Variants in SLC24A2 observed in about 807,000 individuals in gnomAD.
SLC24A2 encodes sodium/potassium/calcium exchanger 2.
In SLC24A2, 36 loss-of-function variants were observed where a neutral mutation model predicts 62.0. The observed-to-expected ratio is 0.58, with a 90% CI of 0.44 to 0.77. The LOEUF is 0.77. Among genes scored for constraint, SLC24A2 ranks in the 30% least tolerant of loss-of-function variants. SLC24A2 has a pLI of 0.00. For missense variants in SLC24A2, 846 were observed against 817.9 expected, an observed-to-expected ratio of 1.03 and a Z score of -0.42; for synonymous variants, 358 against 294.0, an observed-to-expected ratio of 1.22 and a Z score of -2.23.
chr9:19,734,889 C>T (rs1459990341), intron 2 of SLC24A2, among the ~76,000 whole-genome samples: 2 of 151,896 alleles, frequency 1.3e-5, no homozygotes, highest in Non-Finnish European at 2.9e-5. Context: ...AAATGTTAGA[C>T]CTAAAACCAT....
intron 2 of SLC24A2, among the ~76,000 whole-genome samples, chr9:19,747,963 G>A (rs1289877861): frequency 2.0e-5 from 3 of 152,094 alleles, no homozygotes; most frequent in Admixed American, 1.3e-4. Context: ...ATACTATCAT[G>A]GCAAGATGCT....
the SLC24A2 span, among the ~76,000 whole-genome samples, chr9:19,820,653 G>C: frequency 3.3e-5 from 5 of 151,788 alleles, no homozygotes; most frequent in Non-Finnish European, 5.9e-5. Context: ...CAAGGTAATG[G>C]ATTAATGGTA....
chr9:20,296,157 C>T, the SLC24A2 span, among the ~76,000 whole-genome samples: 1 of 152,176 alleles, frequency 6.6e-6, no homozygotes, highest in African/African-American at 2.4e-5. Context: ...CAAGCAATAT[C>T]CAGACTCTCA....
chr9:20,052,233 G>A, the SLC24A2 span, among the ~76,000 whole-genome samples: 4 of 152,088 alleles, frequency 2.6e-5, no homozygotes, highest in African/African-American at 9.7e-5. Context: ...AAACAGCATT[G>A]TCATGTTTGC....
At chr9:19,686,684 G>A (rs34964535) in intron 2 of SLC24A2, among the ~76,000 whole-genome samples, 9,348 of 152,132 alleles carry the variant, frequency 0.061, 371 homozygotes, top group Non-Finnish European at 0.091. Flanking sequence ...AGAAGGACAT[G>A]TTTGCTTCCT....
chr9:19,679,780 A>T (rs1432787369), intron 2 of SLC24A2, among the ~76,000 whole-genome samples: 1 of 151,622 alleles, frequency 6.6e-6, no homozygotes, highest in African/African-American at 2.4e-5. Flanking sequence ...CAAAACTGGG[A>T]TCTCTCAGCT....
chr9:19,738,671 T>A (rs1821583156), intron 2 of SLC24A2, among the ~76,000 whole-genome samples: 1 of 152,234 alleles, frequency 6.6e-6, no homozygotes, highest in African/African-American at 2.4e-5. Context: ...TATACTACAA[T>A]TTATTTATTC....
rs10641024 is a variant in SLC24A2, at chr9:19,561,436, C to CTTT, written c.1348-11171_1348-11169dup. Among the ~76,000 whole-genome samples, 387 of 138,182 alleles carry CTTT rather than the reference C, an allele frequency of 2.8e-3. 4 individuals carry two copies. The highest frequency in any genetic ancestry group is 9.1e-3 in the African/African-American group (335 of 36,918). The allele number at this position is 138,182 out of a possible 152,430, so 90.7% of individuals were successfully genotyped here. ...AGCTAACAGTTAAGTGGAAAACAGA[C>CTTT]TTTTTTTTTTTTTTTTGAGATGGAG... is the stretch of plus-strand genomic sequence containing the variant. On this transcript the variant is annotated intron_variant, in intron 7 of 10. Coordinates refer to ENST00000341998, the MANE Select transcript of SLC24A2 (RefSeq NM_020344.4).
At chr9:20,155,343 G>A in the SLC24A2 span, among the ~76,000 whole-genome samples, 1 of 151,794 alleles carries the variant, frequency 6.6e-6, no homozygotes, top group Admixed American at 6.6e-5. Context: ...TATACACATA[G>A]AGAAAGCAAG....
At chr9:19,755,838 T>C (rs981417553) in intron 2 of SLC24A2, among the ~76,000 whole-genome samples, 2 of 152,220 alleles carry the variant, frequency 1.3e-5, no homozygotes, top group Admixed American at 1.3e-4. Flanking sequence ...ATTATAATTT[T>C]ACTCACCTAC....
intron 8 of SLC24A2, among the ~76,000 whole-genome samples, chr9:19,541,773 G>GC (rs1391365068): frequency 6.7e-6 from 1 of 148,894 alleles, no homozygotes; most frequent in East Asian, 2.0e-4. Context: ...ACCTAAGCAA[G>GC]CCTGGGCAAT....
At chr9:19,787,852 A>C (rs1412299255) in intron 1 of SLC24A2, among the ~76,000 whole-genome samples, 1 of 152,202 alleles carries the variant, frequency 6.6e-6, no homozygotes, top group Non-Finnish European at 1.5e-5. Context: ...TTCATAAACA[A>C]TACGCAAGTT....
intron 7 of SLC24A2, among the ~76,000 whole-genome samples, chr9:19,557,855 G>C (rs1835174227): frequency 6.8e-6 from 1 of 146,266 alleles, no homozygotes; most frequent in Non-Finnish European, 1.5e-5. Flanking sequence ...CTGTCACCTA[G>C]ACTAGAGTGC....
At chr9:20,281,926 T>C in the SLC24A2 span, among the ~76,000 whole-genome samples, 3 of 152,216 alleles carry the variant, frequency 2.0e-5, no homozygotes, top group South Asian at 6.2e-4. Flanking sequence ...TTTGTAGTCT[T>C]TGTTGAACAC....
chr9:19,792,666 C>G (rs1823333733), upstream of SLC24A2, among the ~76,000 whole-genome samples: 1 of 151,456 alleles, frequency 6.6e-6, no homozygotes, highest in Non-Finnish European at 1.5e-5. Flanking sequence ...CGAGACGGCG[C>G]CATTGTACTC....
chr9:20,160,702 G>A, the SLC24A2 span, among the ~76,000 whole-genome samples: 32 of 151,158 alleles, frequency 2.1e-4, no homozygotes, highest in Admixed American at 5.3e-4. Context: ...CAGAATTTCC[G>A]AAAAATAATG....
chr9:19,845,936 A>C, the SLC24A2 span, among the ~76,000 whole-genome samples: 1,107 of 150,716 alleles, frequency 7.3e-3, 9 homozygotes, highest in African/African-American at 0.025. Flanking sequence ...TTTTTATTCC[A>C]CTGTGGCCTG....
chr9:19,588,173 T>C (rs544227912), intron 5 of SLC24A2, among the ~76,000 whole-genome samples: 1 of 71,460 alleles, frequency 1.4e-5, no homozygotes, highest in Admixed American at 2.1e-4. Context: ...TTTTTTTCTT[T>C]TTTTCTTTTT....
intron 2 of SLC24A2, among the ~76,000 whole-genome samples, chr9:19,769,039 C>T (rs1822604006): frequency 6.6e-6 from 1 of 152,184 alleles, no homozygotes; most frequent in Admixed American, 6.5e-5. Flanking sequence ...ATTCCAGACT[C>T]ATACCCAACT....
Sources: allele counts gnomAD v4.1 joint callset (sites outside exome capture counted in the v4.1 genomes callset), GRCh38; gene constraint gnomAD v4.1.1; transcripts MANE v1.5; gene names NCBI Gene and HGNC (gene_info 2026-07-23, HGNC 2026-07-21).